Variants in MTDH observed in about 807,000 individuals in gnomAD.
The protein encoded by MTDH is protein LYRIC.
A neutral mutation model predicts 72.7 loss-of-function variants in MTDH; 34 were observed. The ratio of observed to expected loss-of-function variants is 0.47; its 90% confidence interval spans 0.36 to 0.62. The LOEUF (loss-of-function observed/expected upper bound fraction) is 0.62, where lower values mean the gene tolerates loss of function less well. MTDH is among the 20% of genes least tolerant of loss of function. The pLI is 0.00. For missense variants in MTDH, 677 were observed against 699.4 expected, an observed-to-expected ratio of 0.97 and a Z score of 0.36; for synonymous variants, 266 against 268.9, an observed-to-expected ratio of 0.99 and a Z score of 0.10.
chr8:97,657,309 G>A (rs1410592797), intron 1 of MTDH, among the ~76,000 whole-genome samples: 1 of 152,058 alleles, frequency 6.6e-6, no homozygotes, highest in Non-Finnish European at 1.5e-5. Context: ...AGATATCTTT[G>A]GTCTAACTTA....
chr8:97,667,775 T>C (rs1812447909), intron 2 of MTDH, among the ~76,000 whole-genome samples: 2 of 149,294 alleles, frequency 1.3e-5, no homozygotes, highest in African/African-American at 2.5e-5. Context: ...GAGGATTGCT[T>C]GAGCCCATGA....
At chr8:97,655,067 C>G (rs1811914296) in intron 1 of MTDH, among the ~76,000 whole-genome samples, 2 of 152,104 alleles carry the variant, frequency 1.3e-5, no homozygotes, top group South Asian at 2.1e-4. Context: ...CCACTGCACT[C>G]CAGCCTGGGC....
intron 9 of MTDH, among the ~76,000 whole-genome samples, chr8:97,717,190 A>G (rs1261995639): frequency 6.6e-6 from 1 of 152,188 alleles, no homozygotes; most frequent in Non-Finnish European, 1.5e-5. Flanking sequence ...CCACTACTAT[A>G]CTGAATAACT....
chr8:97,665,789 T>C (rs1812358806), intron 2 of MTDH, among the ~76,000 whole-genome samples: 1 of 152,228 alleles, frequency 6.6e-6, no homozygotes, highest in Non-Finnish European at 1.5e-5. Flanking sequence ...TATTTTCAAC[T>C]GGCAGCAACA....
intron 7 of MTDH, among the ~76,000 whole-genome samples, chr8:97,703,350 C>T (rs1586266677): frequency 6.6e-6 from 1 of 152,082 alleles, no homozygotes; most frequent in Non-Finnish European, 1.5e-5. Context: ...AGAGCGAGAC[C>T]CTGTCATAAA....
At chr8:97,702,336 G>A (rs773059039) in intron 7 of MTDH, among the ~76,000 whole-genome samples, 4 of 152,156 alleles carry the variant, frequency 2.6e-5, no homozygotes, top group Non-Finnish European at 4.4e-5. Flanking sequence ...GACTACCTGG[G>A]TTTCAATCTT....
At chr8:97,659,129 C>T (rs1363011570) in intron 1 of MTDH, among the ~76,000 whole-genome samples, 2 of 146,896 alleles carry the variant, frequency 1.4e-5, no homozygotes, top group East Asian at 1.9e-4. Flanking sequence ...GGCAACAGAG[C>T]GAGACTGCGT....
chr8:97,680,353 A>G (rs1443484765), intron 2 of MTDH, among the ~76,000 whole-genome samples: 3 of 152,186 alleles, frequency 2.0e-5, no homozygotes, highest in East Asian at 3.9e-4. Context: ...GATTACAAGC[A>G]TGTACCACCG....
chr8:97,688,826 G>C (rs1813471334), intron 4 of MTDH, among the ~76,000 whole-genome samples: 1 of 152,134 alleles, frequency 6.6e-6, no homozygotes, highest in Non-Finnish European at 1.5e-5. Flanking sequence ...TGGCATTTTA[G>C]TTGACTAAGA....
At chr8:97,665,875 C>G (rs927727104) in intron 2 of MTDH, among the ~76,000 whole-genome samples, 53 of 152,104 alleles carry the variant, frequency 3.5e-4, no homozygotes, top group Middle Eastern at 3.2e-3. Flanking sequence ...GCCTGTAATC[C>G]CAGCACTTTG....
intron 1 of MTDH, among the ~76,000 whole-genome samples, chr8:97,653,068 G>A (rs1438810574): frequency 1.3e-5 from 2 of 151,190 alleles, no homozygotes; most frequent in South Asian, 2.1e-4. Context: ...GCAGTGAGCC[G>A]AGATCGCACC....
At chr8:97,702,349 C>T (rs1187365160) in intron 7 of MTDH, among the ~76,000 whole-genome samples, 1 of 152,194 alleles carries the variant, frequency 6.6e-6, no homozygotes, top group African/African-American at 2.4e-5. Flanking sequence ...TCAATCTTAA[C>T]TTCCCTGCCT....
chr8:97,678,221 T>C (rs1361960386), intron 2 of MTDH, among the ~76,000 whole-genome samples: 1 of 152,218 alleles, frequency 6.6e-6, no homozygotes, highest in African/African-American at 2.4e-5. Flanking sequence ...AAATCACTTA[T>C]TTAACTTTTT....
intron 6 of MTDH, among the ~76,000 whole-genome samples, chr8:97,694,416 C>T (rs1370692906): frequency 6.6e-6 from 1 of 151,984 alleles, no homozygotes; most frequent in African/African-American, 2.4e-5. Flanking sequence ...AGGCTGGTCT[C>T]GAACTCCCAG....
chr8:97,662,099 G>A (rs912477966), intron 2 of MTDH, among the ~76,000 whole-genome samples: 6 of 151,818 alleles, frequency 4.0e-5, no homozygotes, highest in Admixed American at 2.6e-4. Flanking sequence ...TTGGAAGTAG[G>A]CAAAATGAAT....
chr8:97,702,996 A>G (rs758784104), intron 7 of MTDH, among the ~76,000 whole-genome samples: 37 of 152,346 alleles, frequency 2.4e-4, no homozygotes, highest in Middle Eastern at 3.4e-3. Context: ...AATTGAAGCA[A>G]ACTATACTGT....
At position 97,713,207 on chromosome 8, in the gene MTDH, C is replaced by T. The variant is rs1029800041; in HGVS notation, c.1273-455C>T. 2.6e-5 allele frequency among the ~76,000 whole-genome samples: 4 copies of T among 152,270 alleles called. No individual in the cohort carries two copies. In the East Asian group the frequency reaches 5.8e-4, roughly 22 times the overall value. On this transcript the variant is annotated intron_variant, in intron 8 of 11. Coordinates refer to ENST00000336273, the MANE Select transcript of MTDH (RefSeq NM_178812.4). ...TCACGCCATTCTCCTGCTTTAGCCT[C>T]CCGAGTAGCTGGGACTACAGGCGCC...
At chr8:97,646,231 A>G (rs62521670) in intron 1 of MTDH, among the ~76,000 whole-genome samples, 22,844 of 152,168 alleles carry the variant, frequency 0.15, 1,955 homozygotes, top group East Asian at 0.33. Flanking sequence ...CAGTTAGTGC[A>G]TTATGAGGCC....
intron 9 of MTDH, among the ~76,000 whole-genome samples, chr8:97,715,041 T>C (rs1814805809): frequency 6.6e-6 from 1 of 152,164 alleles, no homozygotes; most frequent in Non-Finnish European, 1.5e-5. Context: ...GCCAGGCTGG[T>C]CTCAAGTGAT....
Sources: gnomAD v4.1 joint callset for allele counts (sites outside exome capture counted in the v4.1 genomes callset) on GRCh38, gnomAD v4.1.1 for gene constraint, MANE v1.5 for transcripts, NCBI Gene and HGNC (gene_info 2026-07-23, HGNC 2026-07-21) for gene names.